Variants in TEX36 observed in about 807,000 individuals in gnomAD.
TEX36 encodes testis-expressed protein 36.
Under a neutral mutation model 13.6 loss-of-function variants are expected in TEX36, and 12 were observed. The ratio of observed to expected loss-of-function variants is 0.88; its 90% confidence interval spans 0.56 to 1.43. The LOEUF is 1.43. Among genes scored for constraint, TEX36 ranks in the 40% most tolerant of loss-of-function variants. The probability of loss-of-function intolerance (pLI) is 0.00; values close to 1 mark genes in which losing one functional copy is unlikely to be tolerated. For synonymous variants in TEX36, 93 were observed against 83.0 expected, an observed-to-expected ratio of 1.12 and a Z score of -0.65; for missense variants, 224 against 228.3, an observed-to-expected ratio of 0.98 and a Z score of 0.12.
chr10:125,599,647 G>T (rs1413814635), intron 3 of TEX36, among the ~76,000 whole-genome samples: 1 of 152,104 alleles, frequency 6.6e-6, no homozygotes, highest in Non-Finnish European at 1.5e-5. Flanking sequence ...CACCTTGCTG[G>T]AATTAGTAAC....
chr10:125,607,620 C>A (rs1215598181), intron 3 of TEX36, among the ~76,000 whole-genome samples: 3 of 152,060 alleles, frequency 2.0e-5, no homozygotes, highest in African/African-American at 7.2e-5. Context: ...TTTGCCATAG[C>A]GTCTCAGAAC....
intron 3 of TEX36, among the ~76,000 whole-genome samples, chr10:125,591,010 A>T (rs1253752802): frequency 6.6e-6 from 1 of 152,172 alleles, no homozygotes; most frequent in East Asian, 1.9e-4. Context: ...TCGTCTCACA[A>T]CGGGCCCTGC....
At chr10:125,648,237 C>T (rs1846802009) in intron 3 of TEX36, among the ~76,000 whole-genome samples, 1 of 152,222 alleles carries the variant, frequency 6.6e-6, no homozygotes, top group Non-Finnish European at 1.5e-5. Context: ...AGTAGCCTCA[C>T]TGGGAGACAC....
At chr10:125,642,716 C>T (rs1465821415) in intron 3 of TEX36, among the ~76,000 whole-genome samples, 1 of 151,926 alleles carries the variant, frequency 6.6e-6, no homozygotes, top group Non-Finnish European at 1.5e-5. Flanking sequence ...AGCAGAAAAC[C>T]TTGGGTTTGG....
intron 3 of TEX36, among the ~76,000 whole-genome samples, chr10:125,586,022 GTATTTT>G (rs1489692324): frequency 6.6e-6 from 1 of 152,208 alleles, no homozygotes; most frequent in African/African-American, 2.4e-5. Flanking sequence ...CTGACTTGTG[GTATTTT>G]ATCTAAGTTC....
chr10:125,652,317 C>A (rs1326265319), downstream of TEX36, among the ~76,000 whole-genome samples: 1 of 152,112 alleles, frequency 6.6e-6, no homozygotes, highest in African/African-American at 2.4e-5. Context: ...GAACAGAGCC[C>A]TCGGAAATAA....
intron 3 of TEX36, among the ~76,000 whole-genome samples, chr10:125,634,752 G>A (rs1177106264): frequency 3.3e-5 from 5 of 152,228 alleles, no homozygotes; most frequent in Admixed American, 1.3e-4. Context: ...ATGGTTTAGC[G>A]GTTGGCTGTG....
intron 3 of TEX36, among the ~76,000 whole-genome samples, chr10:125,644,666 A>G (rs554782733): frequency 1.3e-5 from 2 of 152,350 alleles, no homozygotes; most frequent in East Asian, 1.9e-4. Context: ...ATGACCTTCA[A>G]TGAATCTCAC....
rs1381911587 is a variant in TEX36 at position 125,661,995 on chromosome 10, G to A, written c.52-18C>T. 2 of 1,552,218 alleles carry A rather than the reference G, an allele frequency of 1.3e-6. No individual in the cohort carries two copies. Among genetic ancestry groups the A allele is most frequent in the African/African-American group, 1.4e-5 (1 of 73,058 alleles). On this transcript the variant is annotated intron_variant, in intron 1 of 3. Transcript: ENST00000368821. ...TGAGGGAACTGGAAGAACAGCACAC[G>A]CCTTGATTAAAACCAGACACATTTG...
downstream of TEX36, among the ~76,000 whole-genome samples, chr10:125,618,485 T>C (rs901239544): frequency 2.0e-5 from 3 of 152,190 alleles, 1 homozygote; most frequent in Non-Finnish European, 4.4e-5. Flanking sequence ...TCCTTTCTGT[T>C]TGTTAGTTTT....
At chr10:125,673,647 TG>T (rs1012078854) in intron 1 of TEX36, among the ~76,000 whole-genome samples, 1 of 129,774 alleles carries the variant, frequency 7.7e-6, no homozygotes, top group African/African-American at 3.0e-5. Flanking sequence ...GAGGTGGAGG[TG>T]GCAGTGAGCC....
At chr10:125,580,592 G>A (rs1845870557) in intron 3 of TEX36, among the ~76,000 whole-genome samples, 1 of 152,180 alleles carries the variant, frequency 6.6e-6, no homozygotes, top group Non-Finnish European at 1.5e-5. Context: ...CTTCTGAGAT[G>A]GAAGGGATCA....
intron 3 of TEX36, among the ~76,000 whole-genome samples, chr10:125,597,728 T>A (rs774137916): frequency 9.2e-5 from 14 of 152,082 alleles, no homozygotes; most frequent in Non-Finnish European, 1.6e-4. Flanking sequence ...CAGGAAGAAA[T>A]TTAGAAGAAA....
intron 3 of TEX36, among the ~76,000 whole-genome samples, chr10:125,599,689 A>T (rs1233792574): frequency 6.6e-6 from 1 of 152,222 alleles, no homozygotes; most frequent in Non-Finnish European, 1.5e-5. Flanking sequence ...TGGCAAAAAA[A>T]TCTGTGATGA....
At chr10:125,581,440 T>A (rs1355186735) in intron 3 of TEX36, among the ~76,000 whole-genome samples, 1 of 152,118 alleles carries the variant, frequency 6.6e-6, no homozygotes, top group Non-Finnish European at 1.5e-5. Context: ...GGGCACATCC[T>A]CCTGGGTAAC....
chr10:125,594,008 G>A (rs1332239503), intron 3 of TEX36, among the ~76,000 whole-genome samples: 1 of 152,226 alleles, frequency 6.6e-6, no homozygotes, highest in Non-Finnish European at 1.5e-5. Context: ...GGAACACGGA[G>A]TAGCACAGGA....
chr10:125,678,322 G>C (rs768917607), intron 1 of TEX36, among the ~76,000 whole-genome samples: 6 of 152,210 alleles, frequency 3.9e-5, no homozygotes, highest in Non-Finnish European at 7.3e-5. Context: ...TCCTCAGTGT[G>C]TTAGGGTGTG....
chr10:125,672,566 A>G (rs1421967894), intron 1 of TEX36, among the ~76,000 whole-genome samples: 1 of 152,146 alleles, frequency 6.6e-6, no homozygotes, highest in African/African-American at 2.4e-5. Flanking sequence ...GATCAGTTTC[A>G]GAGTAAATGC....
At chr10:125,587,635 A>G (rs1845971984) in intron 3 of TEX36, among the ~76,000 whole-genome samples, 1 of 152,026 alleles carries the variant, frequency 6.6e-6, no homozygotes, top group South Asian at 2.1e-4. Flanking sequence ...AAAAATACGA[A>G]AATTAGCCAG....
Sources: gnomAD v4.1 joint callset for allele counts (sites outside exome capture counted in the v4.1 genomes callset) on GRCh38, gnomAD v4.1.1 for gene constraint, MANE v1.5 for transcripts, NCBI Gene and HGNC (gene_info 2026-07-23, HGNC 2026-07-21) for gene names.